CNIH3: variants seen among roughly 807,000 people sequenced by gnomAD.
The protein encoded by CNIH3 is protein cornichon homolog 3.
In CNIH3, 14 loss-of-function variants were observed where a neutral mutation model predicts 24.1. The ratio of observed to expected loss-of-function variants is 0.58; its 90% confidence interval spans 0.38 to 0.91. The LOEUF is 0.91. Ranked by LOEUF, CNIH3 falls within the 40% of genes least tolerant of loss-of-function variation. The pLI is 0.00. For synonymous variants in CNIH3, 68 were observed against 73.8 expected (o/e 0.92, Z 0.40); for missense variants, 178 against 196.8 (o/e 0.90, Z 0.57).
intron 1 of CNIH3, among the ~76,000 whole-genome samples, chr1:224,478,103 C>A (rs1375748050): frequency 2.6e-5 from 4 of 152,026 alleles, no homozygotes; most frequent in African/African-American, 9.7e-5. Context: ...TTTCCTTGAC[C>A]TTTGGGAGTT....
At chr1:224,682,485 T>A (rs1686450355) in intron 2 of CNIH3, among the ~76,000 whole-genome samples, 1 of 152,208 alleles carries the variant, frequency 6.6e-6, no homozygotes, top group Admixed American at 6.5e-5. Flanking sequence ...AGAGACGAAC[T>A]CTTTCAAAGC....
At chr1:224,699,906 G>GTC (rs1687390129) in intron 3 of CNIH3, among the ~76,000 whole-genome samples, 1 of 152,178 alleles carries the variant, frequency 6.6e-6, no homozygotes, top group South Asian at 2.1e-4. Flanking sequence ...AAATGAAAAT[G>GTC]TCTTATAAGC....
At chr1:224,735,987 A>T (rs1428349863) in intron 5 of CNIH3, among the ~76,000 whole-genome samples, 1 of 152,070 alleles carries the variant, frequency 6.6e-6, no homozygotes, top group East Asian at 1.9e-4. Flanking sequence ...GTATCGCTCA[A>T]TTTATAAGAT....
intron 1 of CNIH3, among the ~76,000 whole-genome samples, chr1:224,457,888 G>A (rs1189303337): frequency 6.6e-6 from 1 of 152,170 alleles, no homozygotes; most frequent in East Asian, 1.9e-4. Flanking sequence ...GAATACACTA[G>A]GATAGAAAAT....
chr1:224,571,151 C>A (rs1043981783), intron 4 of CNIH3, among the ~76,000 whole-genome samples: 1 of 152,218 alleles, frequency 6.6e-6, no homozygotes, highest in African/African-American at 2.4e-5. Context: ...TGTGTCTTGG[C>A]TATTCTTGGT....
chr1:224,532,136 G>A (rs1352664880), intron 2 of CNIH3, among the ~76,000 whole-genome samples: 1 of 152,118 alleles, frequency 6.6e-6, no homozygotes, highest in Non-Finnish European at 1.5e-5. Flanking sequence ...GTGGGAACTC[G>A]GGGCATGGGT....
At chr1:224,672,106 G>A (rs1309389167) in intron 1 of CNIH3, among the ~76,000 whole-genome samples, 1 of 152,092 alleles carries the variant, frequency 6.6e-6, no homozygotes, top group Non-Finnish European at 1.5e-5. Context: ...CTAAAACTTG[G>A]GCTGTGGTTT....
intron 5 of CNIH3, among the ~76,000 whole-genome samples, chr1:224,736,010 C>T (rs964447668): frequency 2.0e-5 from 3 of 152,288 alleles, no homozygotes; most frequent in East Asian, 3.9e-4. Context: ...ATACTATCCT[C>T]ACTCACATAT....
chr1:224,531,425 C>T (rs942418634), intron 2 of CNIH3, among the ~76,000 whole-genome samples: 3 of 152,158 alleles, frequency 2.0e-5, no homozygotes, highest in African/African-American at 2.4e-5. Context: ...ACCCCACCTA[C>T]GGTGTCTGGA....
chr1:224,593,082 C>G (rs57931386), downstream of CNIH3, among the ~76,000 whole-genome samples: 7,222 of 151,920 alleles, frequency 0.048, 578 homozygotes, highest in African/African-American at 0.16. Context: ...GAAATGGTCA[C>G]TTCTGTGGCT....
At chr1:224,489,670 C>T (rs966575056) in intron 1 of CNIH3, among the ~76,000 whole-genome samples, 2 of 152,174 alleles carry the variant, frequency 1.3e-5, no homozygotes, top group African/African-American at 4.8e-5. Context: ...TAATACATGG[C>T]CATGACTGGG....
At chr1:224,450,779 C>T (rs907452669) in intron 1 of CNIH3, among the ~76,000 whole-genome samples, 48 of 152,290 alleles carry the variant, frequency 3.2e-4, no homozygotes, top group African/African-American at 1.2e-3. Context: ...AGCAGACACC[C>T]CCTCCACATT....
At chr1:224,711,606 G>A (rs939502414) in intron 3 of CNIH3, among the ~76,000 whole-genome samples, 71 of 151,528 alleles carry the variant, frequency 4.7e-4, no homozygotes, top group South Asian at 1.0e-3. Context: ...ACCAGCCTGG[G>A]CAACATGGCA....
chr1:224,524,706 T>C (rs1678776437), intron 2 of CNIH3, among the ~76,000 whole-genome samples: 1 of 152,120 alleles, frequency 6.6e-6, no homozygotes. Context: ...AGGGGTGGGT[T>C]GTTGGGTGTA....
intron 1 of CNIH3, among the ~76,000 whole-genome samples, chr1:224,634,281 A>G (rs1009966564): frequency 6.6e-6 from 1 of 152,224 alleles, no homozygotes; most frequent in Non-Finnish European, 1.5e-5. Flanking sequence ...CAGTTGTGTG[A>G]ATTAAGAATA....
In CNIH3 at chr1:224,739,181, C is replaced by A. The variant is rs949297453; in HGVS notation, c.456-148C>A. ...AGAAGGGGCACAGTAGTGGAGTTGG[C>A]GAGATGCTGTAGTGACAGGAATGAG... is the stretch of plus-strand genomic sequence containing the variant. On this transcript the variant is annotated intron_variant, in intron 5 of 5. Transcript: ENST00000272133. 5 of 1,402,988 alleles carry A rather than the reference C, an allele frequency of 3.6e-6. No homozygotes were observed. The South Asian group carries it at 6.9e-5, about 19-fold the overall frequency. The allele number at this position is 1,402,988 out of a possible 1,614,324, so 86.9% of individuals were successfully genotyped here. A position where few individuals can be genotyped will look rare whatever the true frequency, so the allele number is the denominator to read the frequency against.
At chr1:224,663,430 A>C (rs941828301) in intron 1 of CNIH3, among the ~76,000 whole-genome samples, 1 of 152,186 alleles carries the variant, frequency 6.6e-6, no homozygotes, top group Non-Finnish European at 1.5e-5. Flanking sequence ...GAGTGTCCAA[A>C]CTGAAATAGT....
chr1:224,525,730 G>A (rs975976618), intron 2 of CNIH3, among the ~76,000 whole-genome samples: 4 of 152,150 alleles, frequency 2.6e-5, no homozygotes, highest in African/African-American at 9.7e-5. Context: ...GTCACAAGTA[G>A]GTGAAACAGT....
intron 1 of CNIH3, among the ~76,000 whole-genome samples, chr1:224,667,467 GAAA>G (rs1486579956): frequency 6.6e-6 from 1 of 152,128 alleles, no homozygotes; most frequent in Non-Finnish European, 1.5e-5. Context: ...ATCAGAAAGA[GAAA>G]AAGGCAGCGA....
Sources: allele counts gnomAD v4.1 joint callset (sites outside exome capture counted in the v4.1 genomes callset), GRCh38; gene constraint gnomAD v4.1.1; transcripts MANE v1.5; gene names NCBI Gene and HGNC (gene_info 2026-07-23, HGNC 2026-07-21).